Variants in ROBO2 observed in about 807,000 individuals in gnomAD.
ROBO2 encodes roundabout guidance receptor 2, also known as roundabout homolog 2.
In ROBO2, 53 loss-of-function variants were observed where a neutral mutation model predicts 160.8. That is an observed-to-expected ratio of 0.33 (90% CI 0.26 to 0.41). ROBO2 has a LOEUF of 0.41. Among genes scored for constraint, ROBO2 ranks in the 10% least tolerant of loss-of-function variants. The pLI is 1.00. For synonymous variants in ROBO2, 664 were observed against 611.7 expected (o/e 1.09, Z -1.26); for missense variants, 1,577 against 1,722.4 (o/e 0.92, Z 1.49).
intron 2 of ROBO2, among the ~76,000 whole-genome samples, chr3:76,598,787 A>G (rs1382493791): frequency 2.0e-5 from 3 of 152,172 alleles, no homozygotes; most frequent in African/African-American, 7.2e-5. Context: ...ATAAATTATC[A>G]TATCTAAAAT....
At chr3:76,095,727 A>G (rs932523074) in intron 2 of ROBO2, among the ~76,000 whole-genome samples, 5 of 150,762 alleles carry the variant, frequency 3.3e-5, no homozygotes, top group African/African-American at 7.3e-5. Flanking sequence ...TATGAATTAT[A>G]TACAAGACAC....
At chr3:77,412,625 C>T (rs113250436) in intron 2 of ROBO2, among the ~76,000 whole-genome samples, 1 of 152,198 alleles carries the variant, frequency 6.6e-6, no homozygotes, top group Non-Finnish European at 1.5e-5. Context: ...CTTGGGCAAT[C>T]TCTGAGCAGC....
chr3:77,386,339 A>G (rs1408708234), intron 2 of ROBO2, among the ~76,000 whole-genome samples: 1 of 152,158 alleles, frequency 6.6e-6, no homozygotes, highest in African/African-American at 2.4e-5. Context: ...GTTAATGTTT[A>G]ACACTTTAAA....
chr3:77,325,968 T>G (rs1035672436), intron 2 of ROBO2, among the ~76,000 whole-genome samples: 1 of 152,214 alleles, frequency 6.6e-6, no homozygotes, highest in African/African-American at 2.4e-5. Flanking sequence ...AGATCCTAGA[T>G]TCATAGAATT....
chr3:76,005,707 G>A (rs1316929672), intron 2 of ROBO2, among the ~76,000 whole-genome samples: 2 of 152,184 alleles, frequency 1.3e-5, no homozygotes, highest in African/African-American at 4.8e-5. Flanking sequence ...ACAACAAAAT[G>A]ATCAATACTT....
At chr3:76,906,783 T>C (rs1559683368) in intron 2 of ROBO2, among the ~76,000 whole-genome samples, 1 of 152,162 alleles carries the variant, frequency 6.6e-6, no homozygotes, top group Non-Finnish European at 1.5e-5. Context: ...TAAATGTCCA[T>C]CCCTTTTCTC....
intron 2 of ROBO2, among the ~76,000 whole-genome samples, chr3:77,433,652 A>T (rs1285715113): frequency 6.6e-6 from 1 of 151,678 alleles, no homozygotes; most frequent in African/African-American, 2.4e-5. Context: ...CCCTAAACAG[A>T]TAACTCTCAA....
At chr3:76,075,218 G>A (rs899400109) in intron 2 of ROBO2, among the ~76,000 whole-genome samples, 1 of 151,894 alleles carries the variant, frequency 6.6e-6, no homozygotes, top group Non-Finnish European at 1.5e-5. Context: ...GGCTCATCCA[G>A]TATCTACTAT....
intron 2 of ROBO2, among the ~76,000 whole-genome samples, chr3:77,182,365 G>A (rs535217131): frequency 2.0e-5 from 3 of 152,116 alleles, no homozygotes; most frequent in Non-Finnish European, 2.9e-5. Flanking sequence ...TTAAAGGATC[G>A]CTTGTCTAGG....
rs1014733884 is a variant in ROBO2, at chr3:76,629,604, A to C, written c.110-468410A>C. On this transcript the variant is annotated intron_variant, in intron 2 of 26. Transcript: ENST00000487694. ...GCAGTTGATTCGATGATGCCCATCTAGATTGAGGGTGAATCTGCCTTTCCC... is the reference window on the plus strand; with the variant it reads ...GCAGTTGATTCGATGATGCCCATCTCGATTGAGGGTGAATCTGCCTTTCCC... Among the ~76,000 whole-genome samples, 32 of 152,148 alleles carry C rather than the reference A, an allele frequency of 2.1e-4. 1 individual carries two copies. The highest frequency in any genetic ancestry group is 6.5e-4 in the Admixed American group (10 of 15,268).
intron 2 of ROBO2, among the ~76,000 whole-genome samples, chr3:76,992,540 C>T (rs901960692): frequency 9.3e-5 from 14 of 151,326 alleles, no homozygotes; most frequent in East Asian, 1.9e-4. Flanking sequence ...GTTCTCACTC[C>T]GTAATTTCGT....
At chr3:77,080,222 C>G (rs933468080) in intron 1 of ROBO2, among the ~76,000 whole-genome samples, 1 of 152,120 alleles carries the variant, frequency 6.6e-6, no homozygotes, top group Non-Finnish European at 1.5e-5. Flanking sequence ...CCGTAAGTCA[C>G]GTACCTATTC....
intron 2 of ROBO2, among the ~76,000 whole-genome samples, chr3:77,363,413 G>T (rs2070345400): frequency 1.3e-5 from 2 of 152,012 alleles, no homozygotes; most frequent in Non-Finnish European, 2.9e-5. Context: ...TTCCATAAGG[G>T]GTCAGATAGT....
chr3:76,669,431 T>G (rs1441177219), intron 2 of ROBO2, among the ~76,000 whole-genome samples: 3 of 152,022 alleles, frequency 2.0e-5, no homozygotes, highest in Admixed American at 1.3e-4. Context: ...AAGGTCCGGG[T>G]AGTCTGTGTT....
chr3:76,507,902 A>G (rs577404312), intron 2 of ROBO2, among the ~76,000 whole-genome samples: 2 of 152,292 alleles, frequency 1.3e-5, no homozygotes, highest in East Asian at 3.9e-4. Flanking sequence ...TCATGAGGAC[A>G]TATGTTTCAA....
At chr3:77,474,020 C>T (rs913638986) in intron 2 of ROBO2, among the ~76,000 whole-genome samples, 1 of 152,052 alleles carries the variant, frequency 6.6e-6, no homozygotes, top group Non-Finnish European at 1.5e-5. Context: ...CCGGACCTAC[C>T]AAAGAAGAAA....
At chr3:76,492,072 G>A (rs1441690484) in intron 2 of ROBO2, among the ~76,000 whole-genome samples, 8 of 152,014 alleles carry the variant, frequency 5.3e-5, no homozygotes, top group African/African-American at 1.7e-4. Flanking sequence ...AGCTGAGATC[G>A]TGCCACTGCA....
chr3:77,214,083 T>C (rs766478686), intron 2 of ROBO2, among the ~76,000 whole-genome samples: 3 of 152,194 alleles, frequency 2.0e-5, no homozygotes, highest in Non-Finnish European at 4.4e-5. Context: ...GTTCTGTAGA[T>C]GTCTATTAAG....
intron 2 of ROBO2, among the ~76,000 whole-genome samples, chr3:76,503,641 C>T (rs918662922): frequency 5.3e-5 from 8 of 152,226 alleles, no homozygotes; most frequent in African/African-American, 1.7e-4. Context: ...AAGAAAATTT[C>T]GTGACAACAC....
Sources: allele counts gnomAD v4.1 joint callset (sites outside exome capture counted in the v4.1 genomes callset), GRCh38; gene constraint gnomAD v4.1.1; transcripts MANE v1.5; gene names NCBI Gene and HGNC (gene_info 2026-07-23, HGNC 2026-07-21).